The following ADAMTS3 variants were observed in gnomAD, a reference collection of about 807,000 sequenced individuals.
ADAMTS3 encodes the protein ADAM metallopeptidase with thrombospondin type 1 motif 3.
Under a neutral mutation model 129.0 loss-of-function variants are expected in ADAMTS3, and 73 were observed. That is an observed-to-expected ratio of 0.57 (90% CI 0.47 to 0.69). ADAMTS3 has a LOEUF of 0.69. Among genes scored for constraint, ADAMTS3 ranks in the 30% least tolerant of loss-of-function variants. The pLI is 0.00. For synonymous variants in ADAMTS3, 477 were observed against 510.8 expected (o/e 0.93, Z 0.89); for missense variants, 1,457 against 1,514.5 (o/e 0.96, Z 0.63).
chr4:72,518,691 C>T (rs375011163), intron 3 of ADAMTS3, among the ~76,000 whole-genome samples: 3 of 151,840 alleles, frequency 2.0e-5, no homozygotes, highest in Non-Finnish European at 4.4e-5. Flanking sequence ...ATTTGCTTGG[C>T]AGATCTTCCT....
intron 5 of ADAMTS3, among the ~76,000 whole-genome samples, chr4:72,328,828 T>A (rs1168848682): frequency 1.3e-5 from 2 of 152,170 alleles, no homozygotes; most frequent in African/African-American, 4.8e-5. Flanking sequence ...GCCTGAGTGA[T>A]TCTGGCTAGA....
intron 3 of ADAMTS3, among the ~76,000 whole-genome samples, chr4:72,444,718 G>A (rs1035541005): frequency 6.6e-5 from 10 of 151,726 alleles, no homozygotes; most frequent in African/African-American, 2.4e-4. Context: ...AAGTTATAAG[G>A]AAAACTGAAA....
At chr4:72,463,042 G>A (rs1718814577) in intron 3 of ADAMTS3, among the ~76,000 whole-genome samples, 1 of 151,884 alleles carries the variant, frequency 6.6e-6, no homozygotes, top group Non-Finnish European at 1.5e-5. Flanking sequence ...CATGACAGGT[G>A]ATCTATATAG....
In ADAMTS3 at chr4:72,569,221, G is replaced by T. The variant is rs780288799; in HGVS notation, c.-459C>A. ...CGAGCGAGCGGGAGCGGGAGAAAGAGGCAGGGAGAGGGCGACTCCGCCGCA... is the reference window on the plus strand; with the variant it reads ...CGAGCGAGCGGGAGCGGGAGAAAGATGCAGGGAGAGGGCGACTCCGCCGCA... On this transcript the variant is annotated 5_prime_UTR_variant, in exon 1 of 22. Coordinates refer to ENST00000286657, the MANE Select transcript of ADAMTS3 (RefSeq NM_014243.3). 6.2e-6 allele frequency: 1 copy of T among 160,340 alleles called. No homozygotes were observed. The highest frequency in any genetic ancestry group is 1.4e-5 in the Non-Finnish European group (1 of 73,598). The allele number at this position is 160,340 out of a possible 1,614,324, so 9.9% of individuals were successfully genotyped here.
intron 3 of ADAMTS3, among the ~76,000 whole-genome samples, chr4:72,528,475 C>A (rs899199712): frequency 6.7e-6 from 1 of 149,476 alleles, no homozygotes; most frequent in Admixed American, 6.7e-5. Flanking sequence ...ATCACTTTTA[C>A]CCCATAAATA....
rs1480032549 is a variant in ADAMTS3, at chr4:72,290,977, G to A, written c.2809C>T (p.Leu937Phe). 2.5e-6 allele frequency: 4 copies of A among 1,613,956 alleles called. No homozygotes were observed. The African/African-American group carries it at 4.0e-5, about 16-fold the overall frequency. ...ACAGAGCGGTTGGTGCCATCAAGGA[G>A]TGGCTGAAGGCAGCGTACAGTGCGA... ...QLRTVRCLQP[L>F]LDGTNRSVHS... The change falls in exon 20 of 22, where the codon CTC becomes TTC. Residue 937 changes from leucine to phenylalanine, a missense_variant. Physicochemically the swap from Leu to Phe is conservative, Grantham distance 22. Coordinates refer to ENST00000286657, the MANE Select transcript of ADAMTS3 (RefSeq NM_014243.3).
rs771017077 is a variant in ADAMTS3 at position 72,414,874 on chromosome 4, T to C, written c.602A>G (p.Tyr201Cys). Reference protein sequence around the residue: ...EEEKGRIHVVYKRSAVEQAPI... With the variant: ...EEEKGRIHVVCKRSAVEQAPI... ...AGCCTGTTCTACAGCTGATCTCTTG[T>C]AGACAACATGAATCCTTCCTTTTTC... Residue 201 changes from tyrosine to cysteine, a missense_variant, in exon 4 of 22, where the codon TAC (tyrosine) becomes TGC (cysteine). Tyr to Cys is a radical substitution (Grantham distance 194). Coordinates refer to ENST00000286657, the MANE Select transcript of ADAMTS3 (RefSeq NM_014243.3). 29 of 1,581,284 alleles carry C rather than the reference T, an allele frequency of 1.8e-5. 1 individual carries two copies. Among genetic ancestry groups the C allele is most frequent in the Non-Finnish European group, 2.1e-5 (25 of 1,165,612 alleles).
chr4:72,482,486 TCA>T (rs1328077050), intron 3 of ADAMTS3, among the ~76,000 whole-genome samples: 3 of 152,066 alleles, frequency 2.0e-5, no homozygotes, highest in African/African-American at 7.2e-5. Flanking sequence ...AAGAACAGAT[TCA>T]CAGTTTTCAG....
intron 3 of ADAMTS3, among the ~76,000 whole-genome samples, chr4:72,520,874 G>C (rs788941): frequency 0.65 from 99,050 of 151,848 alleles, 32,941 homozygotes; most frequent in African/African-American, 0.79. Flanking sequence ...GTTTGGCACT[G>C]CCTAGTGAGA....
intron 5 of ADAMTS3, among the ~76,000 whole-genome samples, chr4:72,338,050 G>C (rs1172965807): frequency 6.6e-6 from 1 of 152,050 alleles, no homozygotes; most frequent in Non-Finnish European, 1.5e-5. Context: ...AGTAAAATTT[G>C]GCATAGAGAA....
intron 4 of ADAMTS3, among the ~76,000 whole-genome samples, chr4:72,343,491 T>A (rs1578599296): frequency 6.6e-6 from 1 of 152,158 alleles, no homozygotes; most frequent in East Asian, 1.9e-4. Context: ...TCTTTACTCC[T>A]ATATCACCAT....
At chr4:72,377,144 C>G (rs750644735) in intron 4 of ADAMTS3, among the ~76,000 whole-genome samples, 6 of 152,112 alleles carry the variant, frequency 3.9e-5, no homozygotes, top group African/African-American at 1.4e-4. Context: ...CTAAAAGGAA[C>G]CACCACCACC....
intron 20 of ADAMTS3, among the ~76,000 whole-genome samples, chr4:72,290,545 TGG>T (rs1316125027): frequency 6.6e-6 from 1 of 152,222 alleles, no homozygotes; most frequent in Non-Finnish European, 1.5e-5. Flanking sequence ...CAAATGGTGC[TGG>T]GCCCTGCATT....
Position 72,295,825 on chromosome 4 carries a change from C to T in ADAMTS3, c.2591-39G>A, listed in dbSNP as rs745308787. ...TAAAGTTCTTTGGATTTAATCACTT[C>T]TTCATGCTGATAGTTACTTGATTAT... On this transcript the variant is annotated intron_variant, in intron 18 of 21. Coordinates refer to ENST00000286657, the MANE Select transcript of ADAMTS3 (RefSeq NM_014243.3). The T allele has an allele frequency of 1.4e-5, 23 of 1,594,344 alleles. No homozygotes were observed. The South Asian group carries it at 2.6e-4, about 18-fold the overall frequency.
intron 4 of ADAMTS3, among the ~76,000 whole-genome samples, chr4:72,360,585 A>G (rs1340637855): frequency 6.6e-6 from 1 of 152,042 alleles, no homozygotes; most frequent in Non-Finnish European, 1.5e-5. Context: ...ATTACCAAAG[A>G]GAAGATTGCC....
chr4:72,518,981 G>A (rs931345532), intron 3 of ADAMTS3, among the ~76,000 whole-genome samples: 1 of 151,898 alleles, frequency 6.6e-6, no homozygotes, highest in Non-Finnish European at 1.5e-5. Context: ...GGTACCAGTT[G>A]TTCCTTTCCA....
At chr4:72,283,856 T>C (rs12503715) in intron 21 of ADAMTS3, 152 bp from the exon 22 acceptor site, 74,682 of 593,532 alleles carry the variant, frequency 0.13, 5,763 homozygotes, top group Non-Finnish European at 0.16. Flanking sequence ...ATTAAAAATA[T>C]GAATATTAGA....
chr4:72,523,820 G>C (rs1720736827), intron 3 of ADAMTS3, among the ~76,000 whole-genome samples: 1 of 151,950 alleles, frequency 6.6e-6, no homozygotes, highest in African/African-American at 2.4e-5. Context: ...ACTTATAAAT[G>C]CAAGATTATA....
rs774314919 is a variant in ADAMTS3, at chr4:72,381,689, GC to G, written c.661+33125del. On this transcript the variant is annotated intron_variant, in intron 4 of 21. Coordinates refer to ENST00000286657, the MANE Select transcript of ADAMTS3 (RefSeq NM_014243.3). ...AGAACTGGACTGCAAAAGTGTTATA[GC>G]CCCATTCAAGAATGGAGTTATAAAA... Among the ~76,000 whole-genome samples the G allele has an allele frequency of 5.1e-4, 77 of 151,782 alleles. 1 individual carries two copies. The highest frequency in any genetic ancestry group is 1.5e-4 in the Non-Finnish European group (10 of 67,852).
Sources: gnomAD v4.1 joint callset for allele counts (sites outside exome capture counted in the v4.1 genomes callset) on GRCh38, gnomAD v4.1.1 for gene constraint, MANE v1.5 for transcripts, NCBI Gene and HGNC (gene_info 2026-07-23, HGNC 2026-07-21) for gene names.